SHTN1: variants seen among roughly 807,000 people sequenced by gnomAD.
SHTN1 encodes the protein shootin-1.
A neutral mutation model predicts 83.1 loss-of-function variants in SHTN1; 42 were observed. That is an observed-to-expected ratio of 0.51 (90% CI 0.39 to 0.65). The LOEUF is 0.65. Among genes scored for constraint, SHTN1 ranks in the 30% least tolerant of loss-of-function variants. The probability of loss-of-function intolerance (pLI) is 0.00; values close to 1 mark genes in which losing one functional copy is unlikely to be tolerated. For missense variants in SHTN1, 622 were observed against 737.8 expected, an observed-to-expected ratio of 0.84 and a Z score of 1.82; for synonymous variants, 224 against 247.7, an observed-to-expected ratio of 0.90 and a Z score of 0.90.
chr10:116,966,362 T>TC (rs1369822419), intron 3 of SHTN1, among the ~76,000 whole-genome samples: 18 of 152,160 alleles, frequency 1.2e-4, no homozygotes, highest in Non-Finnish European at 1.5e-5. Flanking sequence ...ACTCTGTTGT[T>TC]CTGTGAGTTA....
chr10:116,975,118 G>C (rs1252287358), intron 2 of SHTN1, among the ~76,000 whole-genome samples: 1 of 152,056 alleles, frequency 6.6e-6, no homozygotes, highest in East Asian at 1.9e-4. Flanking sequence ...CTAGCAAGTA[G>C]CACCATTTCC....
intron 2 of SHTN1, among the ~76,000 whole-genome samples, chr10:117,026,423 C>CT (rs56269054): frequency 7.7e-5 from 11 of 143,544 alleles, no homozygotes; most frequent in Middle Eastern, 3.7e-3. Context: ...AGATAGACTT[C>CT]TTTTTTTTTT....
intron 1 of SHTN1, among the ~76,000 whole-genome samples, chr10:117,082,429 A>G (rs1355286118): frequency 6.7e-6 from 1 of 149,814 alleles, no homozygotes; most frequent in African/African-American, 2.4e-5. Context: ...GTTCTTTTAC[A>G]TTTGCTGAGG....
chr10:117,023,932 T>C (rs1231938802), intron 2 of SHTN1: 2 of 152,660 alleles, frequency 1.3e-5, no homozygotes, highest in Non-Finnish European at 1.5e-5. Flanking sequence ...GTAAATCAGT[T>C]CAACATCTCA....
chr10:117,018,557 C>T (rs1589897840), intron 2 of SHTN1, among the ~76,000 whole-genome samples: 2 of 136,546 alleles, frequency 1.5e-5, no homozygotes, highest in African/African-American at 5.3e-5. Context: ...GATTGGATGT[C>T]TGCTCTCACC....
In SHTN1 at chr10:116,883,473, T is replaced by C. The variant is rs1375818234; in HGVS notation, c.*2871A>G. 6.6e-6 allele frequency: 1 copy of C among 152,194 alleles called. No individual in the cohort carries two copies. Among genetic ancestry groups the C allele is most frequent in the African/African-American group, 2.4e-5 (1 of 41,450 alleles). 9.4% of individuals were successfully genotyped at this position (152,194 alleles called of 1,614,324 possible). ...TTTGAAGGTCAGTGATAATGACAGA[T>C]GGTTATCCATTCTCGACAACTTACT... On this transcript the variant is annotated 3_prime_UTR_variant, in exon 17 of 17. Coordinates refer to ENST00000355371, the MANE Select transcript of SHTN1 (RefSeq NM_001127211.3).
At chr10:117,017,067 C>G (rs991126894) in intron 2 of SHTN1, among the ~76,000 whole-genome samples, 7 of 151,920 alleles carry the variant, frequency 4.6e-5, no homozygotes, top group African/African-American at 1.7e-4. Context: ...AGGAGGTCTA[C>G]AAGATGAACC....
chr10:116,906,180 A>G (rs1420277721), intron 15 of SHTN1, among the ~76,000 whole-genome samples: 3 of 152,258 alleles, frequency 2.0e-5, no homozygotes, highest in Non-Finnish European at 4.4e-5. Flanking sequence ...GAATTATCCT[A>G]TGAAGCAGTG....
chr10:116,906,499 T>C, intron 15 of SHTN1, 128 bp downstream of exon 15: 1 of 904,824 alleles, frequency 1.1e-6, no homozygotes, highest in East Asian at 2.8e-5. Context: ...CATCCCATAC[T>C]TCTCACTCAC....
intron 8 of SHTN1, 51 bp from the exon 9 acceptor site, chr10:116,940,663 C>T (rs548948915): frequency 1.4e-6 from 2 of 1,390,660 alleles, no homozygotes; most frequent in East Asian, 4.9e-5. Context: ...TCACATACCT[C>T]CTCAACTGTA....
At chr10:116,917,657 A>T (rs1223768095) in intron 12 of SHTN1, among the ~76,000 whole-genome samples, 1 of 152,224 alleles carries the variant, frequency 6.6e-6, no homozygotes, top group Non-Finnish European at 1.5e-5. Context: ...TACAAAAACT[A>T]ATTAAGGCAG....
chr10:116,913,050 GCAC>G (rs569433136), intron 13 of SHTN1, among the ~76,000 whole-genome samples: 1 of 151,454 alleles, frequency 6.6e-6, no homozygotes, highest in South Asian at 2.1e-4. Context: ...AACCACACTA[GCAC>G]CACCACCACC....
intron 15 of SHTN1, 31 bp downstream of exon 15, chr10:116,906,596 G>C: frequency 6.3e-7 from 1 of 1,582,046 alleles, no homozygotes; most frequent in Non-Finnish European, 8.6e-7. Context: ...GAGATGAAGA[G>C]AAGGACTGTG....
chr10:116,906,509 C>T, intron 15 of SHTN1, 118 bp downstream of exon 15: 4 of 1,034,520 alleles, frequency 3.9e-6, no homozygotes, highest in South Asian at 4.4e-5. Flanking sequence ...TTCTCACTCA[C>T]ATTAAAAACA....
intron 12 of SHTN1, among the ~76,000 whole-genome samples, chr10:116,916,904 C>T (rs1905547): frequency 0.9 from 136,796 of 152,262 alleles, 63,181 homozygotes; most frequent in East Asian, 1. Context: ...AACCTCTCAA[C>T]ATCTAAACAA....
At chr10:116,999,711 G>A (rs187199332) in intron 1 of SHTN1, among the ~76,000 whole-genome samples, 1,916 of 152,226 alleles carry the variant, frequency 0.013, 34 homozygotes, top group African/African-American at 0.037. Context: ...TCAGGAGTTC[G>A]AGACCAGCCT....
At chr10:117,018,565 A>AC (rs1237241347) in intron 2 of SHTN1, among the ~76,000 whole-genome samples, 23 of 105,088 alleles carry the variant, frequency 2.2e-4, no homozygotes, top group African/African-American at 4.2e-4. Context: ...GTCTGCTCTC[A>AC]CCATTTTTTT....
chr10:117,024,600 C>T (rs866298693), intron 2 of SHTN1, among the ~76,000 whole-genome samples: 20 of 151,968 alleles, frequency 1.3e-4, no homozygotes, highest in Non-Finnish European at 2.2e-4. Flanking sequence ...CCTCGTGATC[C>T]GCCCGCCTCA....
At position 116,881,891 on chromosome 10, in the gene SHTN1, G is replaced by C. The variant is rs1847027609; in HGVS notation, c.*4453C>G. 4 of 395,302 alleles carry C rather than the reference G, an allele frequency of 1.0e-5. No homozygotes were observed. The East Asian group carries it at 1.5e-4, about 15-fold the overall frequency. 24.5% of individuals were successfully genotyped at this position (395,302 alleles called of 1,614,324 possible). On this transcript the variant is annotated 3_prime_UTR_variant, in exon 17 of 17. Transcript: ENST00000355371. ...GCCACCACACTTCCATGTGGATTTT[G>C]TTTGTCTATTAGCTCTCCTGTCCAT...
Sources: allele counts gnomAD v4.1 joint callset (sites outside exome capture counted in the v4.1 genomes callset), GRCh38; gene constraint gnomAD v4.1.1; transcripts MANE v1.5; gene names NCBI Gene and HGNC (gene_info 2026-07-23, HGNC 2026-07-21).